LRRC75B: variants seen among roughly 807,000 people sequenced by gnomAD.
The protein encoded by LRRC75B is leucine-rich repeat-containing protein 75B.
LRRC75B carries 20 observed loss-of-function variants against 16.5 expected under a neutral mutation model. The observed-to-expected ratio is 1.21, with a 90% CI of 0.85 to 1.76. The LOEUF is 1.76. LRRC75B is among the 40% of genes most tolerant of loss of function. The pLI is 0.00. For synonymous variants in LRRC75B, 199 were observed against 198.1 expected, an observed-to-expected ratio of 1.00 and a Z score of -0.04; for missense variants, 406 against 417.0, an observed-to-expected ratio of 0.97 and a Z score of 0.23.
intron 2 of LRRC75B, chr22:24,589,424 C>T (rs1230341795): frequency 1.4e-5 from 14 of 997,554 alleles, no homozygotes; most frequent in Middle Eastern, 4.8e-4. Context: ...TAGCCGAGAG[C>T]GGCTCTCTTC....
intron 2 of LRRC75B, 182 bp downstream of exon 2, chr22:24,589,639 C>T (rs1211665250): frequency 2.0e-5 from 14 of 710,242 alleles, no homozygotes; most frequent in Non-Finnish European, 3.1e-5. Flanking sequence ...CACACTTGCT[C>T]TAGCTGGTGG....
At chr22:24,587,429 G>A (rs1268715256) in intron 3 of LRRC75B, among the ~76,000 whole-genome samples, 1 of 152,188 alleles carries the variant, frequency 6.6e-6, no homozygotes. Context: ...TGACAGCAGT[G>A]AGCACACCCT....
chr22:24,588,096 G>A (rs972061130), intron 3 of LRRC75B, 118 bp downstream of exon 3: 4 of 787,006 alleles, frequency 5.1e-6, no homozygotes, highest in African/African-American at 1.7e-5. Flanking sequence ...ATGCGGACCA[G>A]GTGAGGGCCT....
rs1484030535 is a variant in LRRC75B, at chr22:24,589,830, G to T, written c.297C>A (p.Cys99Ter). The stretch of plus-strand genomic sequence containing the variant: ...TGCCTGCCAGCCTCACCTTCTTGGG[G>T]CACTGCAGGTCCCGGGCCAGGTTCA... ...LLVNLARDLQ[C>*]PKKDYELWKS... The change falls in exon 2 of 4, where the codon TGC becomes TGA. Residue 99 changes from cysteine (C) to a stop codon, truncating the protein, a stop_gained. Coordinates refer to ENST00000318753, the MANE Select transcript of LRRC75B (RefSeq NM_207644.3). LOFTEE classifies it high-confidence loss of function. 1 of 1,612,690 alleles carries T rather than the reference G, an allele frequency of 6.2e-7. No individual in the cohort carries two copies. The highest frequency in any genetic ancestry group is 1.7e-5 in the Admixed American group (1 of 59,714).
intron 1 of LRRC75B, chr22:24,592,342 G>A (rs2045594717): frequency 2.1e-6 from 1 of 470,690 alleles, no homozygotes; most frequent in Non-Finnish European, 4.4e-6. Flanking sequence ...GCTCTCTGTG[G>A]GCTGCCATGG....
chr22:24,588,354 G>T (rs111303493), intron 2 of LRRC75B, 25 bp from the exon 3 acceptor site: 2 of 1,572,040 alleles, frequency 1.3e-6, no homozygotes, highest in Admixed American at 3.4e-5. Flanking sequence ...TGTCACCATG[G>T]TGAATCTGAG....
chr22:24,591,318 A>G (rs1017447316), intron 1 of LRRC75B, among the ~76,000 whole-genome samples: 2 of 152,192 alleles, frequency 1.3e-5, no homozygotes, highest in Non-Finnish European at 2.9e-5. Flanking sequence ...ACTTCAGGTG[A>G]TCTGCCTGCC....
chr22:24,588,099 G>A lies in LRRC75B; in HGVS notation c.422+115C>T, dbSNP rs743369. 0.01 allele frequency: 8,206 copies of A among 802,332 alleles called. 466 individuals are homozygous for A. The African/African-American group carries it at 0.12, about 12-fold the overall frequency. The allele number at this position is 802,332 out of a possible 1,614,324, so 49.7% of individuals were successfully genotyped here. On this transcript the variant is annotated intron_variant, in intron 3 of 3. Coordinates refer to ENST00000318753, the MANE Select transcript of LRRC75B (RefSeq NM_207644.3). ...GGTAGGGCCCTCATGCGGACCAGGT[G>A]AGGGCCTCACCAGGTGGGATTTCAG...
In LRRC75B at chr22:24,586,316, C is replaced by T. The variant is rs376304947; in HGVS notation, c.518G>A (p.Arg173His). The T allele has an allele frequency of 4.7e-5, 76 of 1,613,856 alleles. No individual in the cohort carries two copies. The highest frequency in any genetic ancestry group is 3.7e-4 in the African/African-American group (28 of 74,942). Residue 173 changes from arginine to histidine, a missense_variant, in exon 4 of 4, where the codon CGC becomes CAC. By Grantham distance (29) the Arg-to-His change is conservative. Transcript: ENST00000318753. The part of the protein sequence containing the change: ...LSTQDVQHIT[R>H]YLSSHGAVLA... The stretch of plus-strand genomic sequence containing the variant: ...CACAGCACCATGGCTGCTCAGGTAG[C>T]GTGTGATGTGTTGCACGTCCTGTGT...
Position 24,586,186 on chromosome 22 carries a change from G to A in LRRC75B, c.648C>T (p.Asn216=), listed in dbSNP as rs200740419. The stretch of plus-strand genomic sequence containing the variant: ...CAGTGGCCCGCGTCAGTCGGTTGCC[G>A]TTGAGCAGGAGCTGGGTGAGGCGGG... ...ALPRLTQLLL[N]GNRLTRATAR... The change falls in exon 4 of 4, where the codon AAC becomes AAT. Residue 216 remains asparagine (N), a synonymous_variant. Coordinates refer to ENST00000318753, the MANE Select transcript of LRRC75B (RefSeq NM_207644.3). The A allele has an allele frequency of 2.0e-5, 33 of 1,613,760 alleles. 1 individual carries two copies. The East Asian group carries it at 2.9e-4, about 14-fold the overall frequency.
chr22:24,592,433 G>A (rs2045597544), intron 1 of LRRC75B: 2 of 470,462 alleles, frequency 4.3e-6, no homozygotes, highest in South Asian at 1.6e-5. Context: ...CCTGGAGGAG[G>A]GGGAAGTTAC....
chr22:24,586,242 G>A lies in LRRC75B; in HGVS notation c.592C>T (p.His198Tyr), dbSNP rs747084853. 7 of 1,613,628 alleles carry A rather than the reference G, an allele frequency of 4.3e-6. No individual in the cohort carries two copies. Among genetic ancestry groups the A allele is most frequent in the Non-Finnish European group, 5.9e-6 (7 of 1,180,050 alleles). The change falls in exon 4 of 4, where the codon CAC becomes TAC. Residue 198 changes from histidine (H) to tyrosine (Y), a missense_variant. Transcript: ENST00000318753. ...GCCCACAGGCTGGGCAGCAGGAGGT[G>A]CAGCAGCTCATCACTCAGCCCCGTG... ...SFTGLSDELL[H>Y]LLLPSLWALP...
intron 2 of LRRC75B, chr22:24,588,679 C>T: frequency 9.0e-7 from 1 of 1,107,714 alleles, no homozygotes; most frequent in Non-Finnish European, 1.1e-6. Context: ...GGGGACTTGC[C>T]ACAGGGGGAG....
chr22:24,587,099 C>G (rs967742281), intron 3 of LRRC75B, among the ~76,000 whole-genome samples: 1 of 152,240 alleles, frequency 6.6e-6, no homozygotes, highest in African/African-American at 2.4e-5. Flanking sequence ...CTGAGATGCT[C>G]TGACTCTTGA....
Position 24,587,297 on chromosome 22 carries a change from G to C in LRRC75B, c.423-886C>G, listed in dbSNP as rs377508743. On this transcript the variant is annotated intron_variant, in intron 3 of 3. Transcript: ENST00000318753. The stretch of plus-strand genomic sequence containing the variant: ...GGCCGGCCATGAGGGAGGGCTCCCC[G>C]TGTTTTCTCAGTTAGAAGGGAAGTT... Among the ~76,000 whole-genome samples the C allele has an allele frequency of 2.6e-5, 4 of 152,162 alleles. No individual in the cohort carries two copies. The South Asian group carries it at 8.3e-4, about 32-fold the overall frequency.
At chr22:24,588,841 A>G in intron 2 of LRRC75B, 1 of 1,009,480 alleles carries the variant, frequency 9.9e-7, no homozygotes, top group African/African-American at 1.7e-5. Flanking sequence ...GGGCTGGGGG[A>G]TGTAATGTTT....
intron 2 of LRRC75B, chr22:24,589,133 C>G (rs1466321150): frequency 1.8e-6 from 2 of 1,131,818 alleles, no homozygotes; most frequent in Non-Finnish European, 2.2e-6. Flanking sequence ...GAGCGGATAC[C>G]CTGGTTTTGG....
chr22:24,588,485 C>G, intron 2 of LRRC75B, 156 bp from the exon 3 acceptor site: 1 of 767,686 alleles, frequency 1.3e-6, no homozygotes, highest in Non-Finnish European at 2.1e-6. Context: ...TCCTACCCCC[C>G]AACCCGGCTG....
rs372539902 is a variant in LRRC75B at position 24,588,339 on chromosome 22, G to A, written c.307-10C>T. ...TCCAGAGCTCATAGTCCTGTGGGAG[G>A]GCAGTGTCACCATGGTGAATCTGAG... On this transcript the variant is annotated splice_polypyrimidine_tract_variant and intron_variant, in intron 2 of 3. Transcript: ENST00000318753. 4.4e-6 allele frequency: 7 copies of A among 1,602,088 alleles called. No individual in the cohort carries two copies. Among genetic ancestry groups the A allele is most frequent in the Non-Finnish European group, 4.3e-6 (5 of 1,170,892 alleles).
Sources: allele counts gnomAD v4.1 joint callset (sites outside exome capture counted in the v4.1 genomes callset), GRCh38; gene constraint gnomAD v4.1.1; transcripts MANE v1.5; gene names NCBI Gene and HGNC (gene_info 2026-07-23, HGNC 2026-07-21).